Variants in HAUS8 observed in about 807,000 individuals in gnomAD.
The protein encoded by HAUS8 is HAUS augmin like complex subunit 8.
In HAUS8, 38 loss-of-function variants were observed where a neutral mutation model predicts 42.9. That is an observed-to-expected ratio of 0.89 (90% CI 0.68 to 1.16). The LOEUF is 1.16. Among genes scored for constraint, HAUS8 ranks in the 50% most tolerant of loss-of-function variants. The pLI is 0.00. For synonymous variants in HAUS8, 199 were observed against 205.8 expected, an observed-to-expected ratio of 0.97 and a Z score of 0.28; for missense variants, 494 against 511.6, an observed-to-expected ratio of 0.97 and a Z score of 0.33.
intron 4 of HAUS8, among the ~76,000 whole-genome samples, chr19:17,061,400 G>A (rs996093250): frequency 7.9e-5 from 12 of 152,164 alleles, no homozygotes; most frequent in Non-Finnish European, 8.8e-5. Flanking sequence ...TCCTTCCAAA[G>A]TGCCGGGATT....
chr19:17,055,959 T>A lies in HAUS8; in HGVS notation c.689A>T (p.Lys230Met). The A allele has an allele frequency of 6.2e-7, 1 of 1,614,190 alleles. No individual in the cohort carries two copies. Among genetic ancestry groups the A allele is most frequent in the South Asian group, 1.1e-5 (1 of 91,090 alleles). The change falls in exon 9 of 11, where the codon AAG (lysine) becomes ATG (methionine). Residue 230 changes from lysine (K) to methionine (M), a missense_variant. Transcript: ENST00000253669. The stretch of plus-strand genomic sequence containing the variant: ...CGTGGCGAATGTCCTGTATTGCTCC[T>A]TGAAGCGTGTGGCCACTGCCTCGAA... ...SPFEAVATRF[K>M]EQYRTFATAL...
At chr19:17,072,590 T>C (rs1439803945) in intron 2 of HAUS8, among the ~76,000 whole-genome samples, 1 of 152,072 alleles carries the variant, frequency 6.6e-6, no homozygotes, top group African/African-American at 2.4e-5. Flanking sequence ...TCCACCCACC[T>C]TGGCGCCTCA....
intron 2 of HAUS8, among the ~76,000 whole-genome samples, chr19:17,071,538 G>GA (rs1354008631): frequency 2.6e-5 from 4 of 152,170 alleles, no homozygotes; most frequent in African/African-American, 7.2e-5. Context: ...CTGAGAGAAA[G>GA]GACATCCCCA....
At position 17,075,351 on chromosome 19, in the gene HAUS8, C is replaced by G. The variant is rs1238113768; in HGVS notation, c.29+43G>C. ...CCTCCGCTGCCCATCCTCTCCAGCC[C>G]TATGGCGTCTACAAATCCAGACCTG... On this transcript the variant is annotated intron_variant, in intron 1 of 10. Transcript: ENST00000253669. 9 of 1,609,404 alleles carry G rather than the reference C, an allele frequency of 5.6e-6. No individual in the cohort carries two copies. In the South Asian group the frequency reaches 9.9e-5, roughly 18 times the overall value.
chr19:17,052,732 C>T lies in HAUS8; in HGVS notation c.929+93G>A, dbSNP rs545120763. 1.4e-4 allele frequency: 190 copies of T among 1,398,334 alleles called. No individual in the cohort carries two copies. In the African/African-American group the frequency reaches 2.2e-3, roughly 17 times the overall value. The allele number at this position is 1,398,334 out of a possible 1,614,324, so 86.6% of individuals were successfully genotyped here. A position where few individuals can be genotyped will look rare whatever the true frequency, so the allele number is the denominator to read the frequency against. On this transcript the variant is annotated intron_variant, in intron 10 of 10. Transcript: ENST00000253669. ...AGGGGACTGAACCTCCTCTGAACTC[C>T]TAGAGGAACTCGGCACCACCCCAAC...
intron 3 of HAUS8, among the ~76,000 whole-genome samples, chr19:17,063,049 C>G (rs2057370015): frequency 6.6e-6 from 1 of 152,152 alleles, no homozygotes; most frequent in African/African-American, 2.4e-5. Flanking sequence ...TTTTTCTAGA[C>G]ACATTTAAGT....
At chr19:17,055,114 GAAAAAAAAAAAA>G (rs1175327637) in intron 9 of HAUS8, 6 of 4,720 alleles carry the variant, frequency 1.3e-3, no homozygotes, top group East Asian at 0.01. Flanking sequence ...CGTCTCTACA[GAAAAAAAAAAAA>G]AAAAAAAAAA....
At chr19:17,053,276 T>A in intron 9 of HAUS8, 1 of 372,680 alleles carries the variant, frequency 2.7e-6, no homozygotes. Flanking sequence ...GGAGAATGCC[T>A]GAGGCCTCCA....
chr19:17,065,276 G>A (rs1335080690), intron 3 of HAUS8, among the ~76,000 whole-genome samples: 5 of 152,130 alleles, frequency 3.3e-5, no homozygotes, highest in Non-Finnish European at 5.9e-5. Flanking sequence ...CCATTATATA[G>A]AGATGTTTTC....
At chr19:17,065,942 C>A (rs1022200541) in intron 3 of HAUS8, among the ~76,000 whole-genome samples, 2 of 150,212 alleles carry the variant, frequency 1.3e-5, no homozygotes, top group Admixed American at 1.3e-4. Context: ...GCCTTCCCCC[C>A]ATATCTCACT....
chr19:17,050,297 G>T (rs560681756), intron 10 of HAUS8, 121 bp from the exon 11 acceptor site: 6 of 574,712 alleles, frequency 1.0e-5, no homozygotes, highest in Non-Finnish European at 1.4e-5. Flanking sequence ...TGCTCAGTGG[G>T]AAAGGGCCAG....
intron 9 of HAUS8, among the ~76,000 whole-genome samples, chr19:17,054,389 C>T (rs1432842229): frequency 6.6e-6 from 1 of 152,126 alleles, no homozygotes; most frequent in Non-Finnish European, 1.5e-5. Flanking sequence ...AGGGGGCTCA[C>T]ACCTATTCAG....
At chr19:17,061,000 G>A (rs1004357678) in intron 4 of HAUS8, among the ~76,000 whole-genome samples, 1 of 152,208 alleles carries the variant, frequency 6.6e-6, no homozygotes, top group African/African-American at 2.4e-5. Context: ...TCACTGCAAT[G>A]TGTAGGGTAC....
In HAUS8 at chr19:17,073,323, G is replaced by A. The variant is rs199543946; in HGVS notation, c.42C>T (p.Thr14=). The change falls in exon 2 of 11, where the codon ACC becomes ACT. Residue 14 remains threonine, a synonymous_variant. Coordinates refer to ENST00000253669, the MANE Select transcript of HAUS8 (RefSeq NM_033417.2). The part of the protein sequence containing the change: ...SSGRGAGKPA[T]GPTNSSSAKK... Reference sequence around the variant, plus strand: ...TGGCACTGCTAGAATTTGTGGGGCCGGTTGCAGGCTTCCTGCAAGAGAAGA... The same window carrying A: ...TGGCACTGCTAGAATTTGTGGGGCCAGTTGCAGGCTTCCTGCAAGAGAAGA... The A allele has an allele frequency of 1.4e-5, 23 of 1,613,972 alleles. No homozygotes were observed. The highest frequency in any genetic ancestry group is 2.2e-5 in the East Asian group (1 of 44,874).
intron 4 of HAUS8, 95 bp from the exon 5 acceptor site, chr19:17,060,187 T>A (rs2057351744): frequency 1.4e-6 from 1 of 692,482 alleles, no homozygotes; most frequent in African/African-American, 1.8e-5. Flanking sequence ...CAATACCACT[T>A]GCTTCTAAAA....
At chr19:17,059,486 T>C (rs2123368747) in intron 6 of HAUS8, 71 bp downstream of exon 6, 6 of 1,061,134 alleles carry the variant, frequency 5.7e-6, no homozygotes, top group Non-Finnish European at 8.6e-6. Flanking sequence ...ACTCAGCATC[T>C]GGTTCAGAGT....
chr19:17,073,434 T>C, intron 1 of HAUS8, 99 bp from the exon 2 acceptor site: 2 of 1,081,866 alleles, frequency 1.8e-6, no homozygotes, highest in South Asian at 2.5e-5. Flanking sequence ...GACAGCCCAG[T>C]CCAAGGGCTG....
intron 2 of HAUS8, among the ~76,000 whole-genome samples, chr19:17,070,096 C>T (rs138344201): frequency 5.9e-5 from 9 of 152,198 alleles, no homozygotes; most frequent in African/African-American, 2.2e-4. Context: ...CTGCCTCCCC[C>T]CATTTCTCCC....
intron 10 of HAUS8, among the ~76,000 whole-genome samples, 182 bp from the exon 11 acceptor site, chr19:17,050,358 G>A (rs766865257): frequency 2.6e-5 from 4 of 152,148 alleles, no homozygotes; most frequent in Non-Finnish European, 5.9e-5. Context: ...CCCAAGAACA[G>A]CACCAGACAT....
Sources: gnomAD v4.1 joint callset for allele counts (sites outside exome capture counted in the v4.1 genomes callset) on GRCh38, gnomAD v4.1.1 for gene constraint, MANE v1.5 for transcripts, NCBI Gene and HGNC (gene_info 2026-07-23, HGNC 2026-07-21) for gene names.